GIP: variants seen among roughly 807,000 people sequenced by gnomAD.
The protein encoded by GIP is gastric inhibitory polypeptide.
A neutral mutation model predicts 18.1 loss-of-function variants in GIP; 16 were observed. That is an observed-to-expected ratio of 0.88 (90% confidence interval 0.60 to 1.34). The LOEUF is 1.34. Among genes scored for constraint, GIP ranks in the 40% most tolerant of loss-of-function variants. The pLI is 0.00. For synonymous variants in GIP, 76 were observed against 74.0 expected, an observed-to-expected ratio of 1.03 and a Z score of -0.14; for missense variants, 192 against 183.4, an observed-to-expected ratio of 1.05 and a Z score of -0.27.
chr17:48,958,588 A>G lies in GIP; in HGVS notation c.*119T>C, dbSNP rs1281101623. The G allele has an allele frequency of 3.8e-6, 3 of 795,492 alleles. No individual in the cohort carries two copies. Among genetic ancestry groups the G allele is most frequent in the African/African-American group, 3.5e-5 (2 of 57,910 alleles). 49.3% of individuals were successfully genotyped at this position (795,492 alleles called of 1,614,324 possible). ...AGTAGTCATTTTAATAAATTTTCAC[A>G]ATGGGCTCGACTTAGCATAAACTTT... On this transcript the variant is annotated 3_prime_UTR_variant, in exon 6 of 6. Coordinates refer to ENST00000357424, the MANE Select transcript of GIP (RefSeq NM_004123.3).
chr17:48,967,370 T>C, intron 1 of GIP, 117 bp from the exon 2 acceptor site: 1 of 654,902 alleles, frequency 1.5e-6, no homozygotes, highest in Middle Eastern at 4.2e-4. Flanking sequence ...TTTTTTTTTT[T>C]TTTTTTTGAG....
chr17:48,968,222 A>T (rs1180761601), intron 1 of GIP, among the ~76,000 whole-genome samples: 5 of 151,892 alleles, frequency 3.3e-5, no homozygotes, highest in Non-Finnish European at 5.9e-5. Flanking sequence ...CCTCCCGAGT[A>T]CCTAGAACCG....
Position 48,960,915 on chromosome 17 carries a change from C to G in GIP, c.423G>C (p.Leu141Phe), listed in dbSNP as rs1207296141. 8 of 1,606,636 alleles carry G rather than the reference C, an allele frequency of 5.0e-6. No individual in the cohort carries two copies. Among genetic ancestry groups the G allele is most frequent in the South Asian group, 2.2e-5 (2 of 89,124 alleles). The stretch of plus-strand genomic sequence containing the variant: ...GCCTGCAGAGGTTTGTCTGATCCAG[C>G]AAGCAGGCCAACAGCTCTTGAATCA... ...DLLIQELLAC[L>F]LDQTNLCRLR... The change falls in exon 5 of 6, where the codon TTG (leucine) becomes TTC (phenylalanine). Residue 141 changes from leucine (L) to phenylalanine (F), a missense_variant. Leu to Phe is a conservative substitution (Grantham distance 22). Transcript: ENST00000357424.
At chr17:48,962,390 G>C (rs1164099489) in intron 3 of GIP, among the ~76,000 whole-genome samples, 1 of 151,344 alleles carries the variant, frequency 6.6e-6, no homozygotes, top group Non-Finnish European at 1.5e-5. Flanking sequence ...TTTTCTTTGA[G>C]ACGGAGTCTC....
chr17:48,965,478 G>T (rs28627277), intron 2 of GIP, among the ~76,000 whole-genome samples: 36,648 of 150,192 alleles, frequency 0.24, 4,592 homozygotes, highest in Admixed American at 0.37. Flanking sequence ...GGTGGCAGGC[G>T]CCTGTAGTCC....
In GIP at chr17:48,958,596, C is replaced by T. The variant is rs2041181238; in HGVS notation, c.*111G>A. ...TTTTAATAAATTTTCACAATGGGCTCGACTTAGCATAAACTTTATTGGTTT... is the reference window on the plus strand; with the variant it reads ...TTTTAATAAATTTTCACAATGGGCTTGACTTAGCATAAACTTTATTGGTTT... On this transcript the variant is annotated 3_prime_UTR_variant, in exon 6 of 6. Coordinates refer to ENST00000357424, the MANE Select transcript of GIP (RefSeq NM_004123.3). 1.1e-5 allele frequency: 9 copies of T among 853,826 alleles called. No individual in the cohort carries two copies. The highest frequency in any genetic ancestry group is 6.6e-5 in the Admixed American group (3 of 45,170). 52.9% of individuals were successfully genotyped at this position (853,826 alleles called of 1,614,324 possible). A position where few individuals can be genotyped will look rare whatever the true frequency, so the allele number is the denominator to read the frequency against.
intron 2 of GIP, 39 bp from the exon 3 acceptor site, chr17:48,964,519 G>C (rs2041223423): frequency 5.7e-6 from 9 of 1,567,240 alleles, no homozygotes; most frequent in Non-Finnish European, 7.9e-6. Context: ...GAGATGGGGG[G>C]AGAATCACAA....
rs763239883 is a variant in GIP at position 48,961,752 on chromosome 17, CCTT to C, written c.322_324del (p.Lys108del). On this transcript the variant is annotated inframe_deletion, in exon 4 of 6. Coordinates refer to ENST00000357424, the MANE Select transcript of GIP (RefSeq NM_004123.3). The stretch of plus-strand genomic sequence containing the variant: ...CTCTGTGGCTCCACTGCCTCCTCCT[CCTT>C]CCTATTAGCTTGACTGGCCAGCTCC... 1 of 1,612,242 alleles carries C rather than the reference CCTT, an allele frequency of 6.2e-7. No individual in the cohort carries two copies. The highest frequency in any genetic ancestry group is 8.5e-7 in the Non-Finnish European group (1 of 1,179,284).
intron 3 of GIP, among the ~76,000 whole-genome samples, chr17:48,963,109 CAAAA>C (rs1469003901): frequency 2.2e-5 from 3 of 135,228 alleles, no homozygotes; most frequent in Non-Finnish European, 4.8e-5. Context: ...AAATCCGTCT[CAAAA>C]AAAAAGAAGT....
intron 2 of GIP, 66 bp from the exon 3 acceptor site, chr17:48,964,546 T>C (rs2041223659): frequency 7.2e-7 from 1 of 1,384,266 alleles, no homozygotes; most frequent in African/African-American, 1.4e-5. Context: ...GGTAAATGAC[T>C]GTCACTAACA....
chr17:48,966,255 TA>T (rs35523625), intron 2 of GIP, among the ~76,000 whole-genome samples: 349 of 123,216 alleles, frequency 2.8e-3, no homozygotes, highest in Non-Finnish European at 3.2e-3. Flanking sequence ...AGACTCCAAT[TA>T]AAAAAAAAAA....
intron 3 of GIP, among the ~76,000 whole-genome samples, chr17:48,963,001 G>A (rs148781553): frequency 9.3e-4 from 142 of 152,188 alleles, no homozygotes; most frequent in African/African-American, 3.1e-3. Flanking sequence ...CAGCTACTCA[G>A]GAGGCTGAGG....
Position 48,958,711 on chromosome 17 carries a change from C to G in GIP, c.458G>C (p.Arg153Pro), listed in dbSNP as rs138965281. The change falls in exon 6 of 6, where the codon CGG becomes CCG. Residue 153 changes from arginine (R) to proline (P), a missense_variant. Arg to Pro is a moderately radical substitution (Grantham distance 103). Coordinates refer to ENST00000357424, the MANE Select transcript of GIP (RefSeq NM_004123.3). ...DQTNLCRLRSR is the reference protein window; with the variant it reads ...DQTNLCRLRSP ...CTGAGCTGGGTGTGGTCAGAGTCAC[C>G]GAGACCTGGGGAGAGTGGGGAAAGG... is the stretch of plus-strand genomic sequence containing the variant. The G allele has an allele frequency of 1.9e-6, 3 of 1,582,084 alleles. No homozygotes were observed. Among genetic ancestry groups the G allele is most frequent in the Non-Finnish European group, 1.7e-6 (2 of 1,164,194 alleles).
In GIP at chr17:48,961,810, G is replaced by A. The variant is rs139668554; in HGVS notation, c.267C>T (p.His89=). 1,737 of 1,611,584 alleles carry A rather than the reference G, an allele frequency of 1.1e-3. No homozygotes were observed. Among genetic ancestry groups the A allele is most frequent in the Non-Finnish European group, 1.4e-3 (1,631 of 1,178,756 alleles). ...AQKGKKNDWK[H]NITQREARAL... is the part of the protein sequence containing the mutation. ...CCCGAGCCTCCCTCTGGGTGATGTT[G>A]TGTTTCCAGCTGGGAAGATAAAGAT... is the stretch of plus-strand genomic sequence containing the variant. Residue 89 remains histidine, a synonymous_variant, in exon 4 of 6, where the codon CAC becomes CAT. Coordinates refer to ENST00000357424, the MANE Select transcript of GIP (RefSeq NM_004123.3).
intron 3 of GIP, among the ~76,000 whole-genome samples, chr17:48,964,081 A>G (rs1358783791): frequency 6.8e-6 from 1 of 146,284 alleles, no homozygotes; most frequent in Non-Finnish European, 1.5e-5. Context: ...AATGGCGTGA[A>G]CCCGGGAGGC....
intron 2 of GIP, among the ~76,000 whole-genome samples, chr17:48,966,887 G>T (rs2041238512): frequency 6.6e-6 from 1 of 152,200 alleles, no homozygotes; most frequent in Non-Finnish European, 1.5e-5. Context: ...GGGAGATTCT[G>T]TCATCTTCGG....
rs2143850519 is a variant in GIP at position 48,964,404 on chromosome 17, C to T, written c.163G>A (p.Gly55Arg). 6.2e-7 allele frequency: 1 copy of T among 1,613,948 alleles called. No homozygotes were observed. Among genetic ancestry groups the T allele is most frequent in the Non-Finnish European group, 8.5e-7 (1 of 1,179,888 alleles). The change falls in exon 3 of 6, where the codon GGG (glycine) becomes AGG (arginine). Residue 55 changes from glycine to arginine, a missense_variant. Gly to Arg is a moderately radical substitution (Grantham distance 125, BLOSUM62 -2). Coordinates refer to ENST00000357424, the MANE Select transcript of GIP (RefSeq NM_004123.3). ...ATACTGTAGTCACTGATGAAAGTCC[C>T]TTCCGCGTACCTGGGGCCTCGAGGT... is the stretch of plus-strand genomic sequence containing the variant. Reference protein sequence around the residue: ...PQPRGPRYAEGTFISDYSIAM... With the variant: ...PQPRGPRYAERTFISDYSIAM...
At chr17:48,967,301 G>T in intron 1 of GIP, 48 bp from the exon 2 acceptor site, 2 of 1,265,770 alleles carry the variant, frequency 1.6e-6, no homozygotes, top group South Asian at 1.2e-5. Context: ...ACCAGTAGGG[G>T]TTCTGAAAGC....
intron 3 of GIP, 139 bp downstream of exon 3, chr17:48,964,171 A>AAC (rs2041219518): frequency 1.7e-6 from 1 of 586,290 alleles, no homozygotes; most frequent in African/African-American, 1.9e-5. Flanking sequence ...AAAAAAAAAA[A>AAC]AAAAAAGAAA....
Sources: allele counts gnomAD v4.1 joint callset (sites outside exome capture counted in the v4.1 genomes callset), GRCh38; gene constraint gnomAD v4.1.1; transcripts MANE v1.5; gene names NCBI Gene and HGNC (gene_info 2026-07-23, HGNC 2026-07-21).